EPS8: variants seen among roughly 807,000 people sequenced by gnomAD.
The protein encoded by EPS8 is EGFR pathway substrate 8, signaling adaptor.
In EPS8, 42 loss-of-function variants were observed where a neutral mutation model predicts 103.8. The observed-to-expected ratio is 0.40, with a 90% confidence interval of 0.32 to 0.52. The LOEUF (loss-of-function observed/expected upper bound fraction) is 0.52. EPS8 is among the 20% of genes least tolerant of loss of function. EPS8 has a pLI of 0.40. For synonymous variants in EPS8, 344 were observed against 344.6 expected, an observed-to-expected ratio of 1.00 and a Z score of 0.02; for missense variants, 969 against 1,005.1, an observed-to-expected ratio of 0.96 and a Z score of 0.49.
chr12:15,668,836 T>A (rs901151471), intron 6 of EPS8, among the ~76,000 whole-genome samples: 1 of 152,208 alleles, frequency 6.6e-6, no homozygotes, highest in Non-Finnish European at 1.5e-5. Context: ...TAATTATAAG[T>A]TTAAGGCATT....
At chr12:15,661,268 T>C (rs539053780) in intron 9 of EPS8, among the ~76,000 whole-genome samples, 1 of 152,282 alleles carries the variant, frequency 6.6e-6, no homozygotes, top group East Asian at 1.9e-4. Flanking sequence ...AATTTGATTA[T>C]CTTATATACT....
chr12:15,782,863 C>T (rs1399029363), intron 1 of EPS8, among the ~76,000 whole-genome samples: 4 of 152,124 alleles, frequency 2.6e-5, no homozygotes, highest in East Asian at 3.9e-4. Flanking sequence ...TGTGAGTAAC[C>T]GCTTAGTCCA....
At position 15,627,390 on chromosome 12, in the gene EPS8, T is replaced by C. The variant is rs546204779; in HGVS notation, c.2045-2983A>G. ...TGCTTCCCTTTTTTGCTTGCATCTA[T>C]ATCCTAATACGTGGAACGGTGCTTT... is the stretch of plus-strand genomic sequence containing the variant. On this transcript the variant is annotated intron_variant, in intron 18 of 20. Coordinates refer to ENST00000281172, the MANE Select transcript of EPS8 (RefSeq NM_004447.6). Among the ~76,000 whole-genome samples the C allele has an allele frequency of 5.3e-5, 8 of 152,184 alleles. No homozygotes were observed. In the East Asian group the frequency reaches 5.8e-4, roughly 11 times the overall value.
intron 1 of EPS8, among the ~76,000 whole-genome samples, chr12:15,724,309 T>A (rs528586479): frequency 5.3e-5 from 8 of 152,318 alleles, no homozygotes; most frequent in African/African-American, 1.9e-4. Context: ...AAGTTTTATG[T>A]GTTGTCAAAT....
intron 1 of EPS8, among the ~76,000 whole-genome samples, chr12:15,750,106 C>T (rs1247592435): frequency 3.3e-5 from 5 of 152,170 alleles, no homozygotes; most frequent in Non-Finnish European, 1.5e-5. Context: ...AGAGTGACAA[C>T]GATCTCCCAC....
chr12:15,643,730 ACT>A (rs1945271055), intron 15 of EPS8, among the ~76,000 whole-genome samples: 1 of 130,188 alleles, frequency 7.7e-6, no homozygotes, highest in African/African-American at 2.9e-5. Flanking sequence ...CAAGAGCAAA[ACT>A]CTGTCTCGAA....
chr12:15,682,556 CAAT>C (rs1318099826), intron 2 of EPS8, among the ~76,000 whole-genome samples: 1 of 151,972 alleles, frequency 6.6e-6, no homozygotes, highest in African/African-American at 2.4e-5. Context: ...TTATAAATAA[CAAT>C]AACAGAATGC....
intron 17 of EPS8, among the ~76,000 whole-genome samples, chr12:15,637,871 G>A (rs1244377948): frequency 6.6e-6 from 1 of 152,170 alleles, no homozygotes; most frequent in Non-Finnish European, 1.5e-5. Flanking sequence ...ACTCATGCAG[G>A]CTTTCGGGAA....
In EPS8 at chr12:15,695,800, C is replaced by T. The variant is rs1373593535; in HGVS notation, c.-21-12828G>A. Among the ~76,000 whole-genome samples, 1 of 152,130 alleles carries T rather than the reference C, an allele frequency of 6.6e-6. No individual in the cohort carries two copies. Among genetic ancestry groups the T allele is most frequent in the African/African-American group, 2.4e-5 (1 of 41,412 alleles). On this transcript the variant is annotated intron_variant, in intron 1 of 20. Coordinates refer to ENST00000281172, the MANE Select transcript of EPS8 (RefSeq NM_004447.6). The surrounding 1 kb of genome is among the most constrained non-coding windows in gnomAD (Gnocchi z 5.0). ...GACCAGCCTGGCCAAAATGGCGAAA[C>T]CCCATCTCTACCAAAAATATAAAAA...
chr12:15,745,422 T>C lies in EPS8; in HGVS notation c.-22+43739A>G, dbSNP rs1279423478. On this transcript the variant is annotated intron_variant, in intron 1 of 20. Coordinates refer to ENST00000281172, the MANE Select transcript of EPS8 (RefSeq NM_004447.6). The surrounding 1 kb of genome is among the most constrained non-coding windows in gnomAD (Gnocchi z 4.6). ...TAATGCCAAGCTGAACCCAAAGATGTGGGAATTCTCAACATTGCTGTAAAC... is the reference window on the plus strand; with the variant it reads ...TAATGCCAAGCTGAACCCAAAGATGCGGGAATTCTCAACATTGCTGTAAAC... 2.6e-5 allele frequency among the ~76,000 whole-genome samples: 4 copies of C among 152,098 alleles called. No homozygotes were observed. Among genetic ancestry groups the C allele is most frequent in the African/African-American group, 7.2e-5 (3 of 41,422 alleles).
Position 15,731,068 on chromosome 12 carries a change from T to C in EPS8, c.-21-48096A>G, listed in dbSNP as rs1486588362. 6.6e-6 allele frequency among the ~76,000 whole-genome samples: 1 copy of C among 152,178 alleles called. No homozygotes were observed. The stretch of plus-strand genomic sequence containing the variant: ...TGTGCAAAAAGTTCAGTCAAAAATA[T>C]ATATCATAGTACCTTAAAGGCATAT... On this transcript the variant is annotated intron_variant, in intron 1 of 20. Coordinates refer to ENST00000281172, the MANE Select transcript of EPS8 (RefSeq NM_004447.6). The surrounding 1 kb of genome is among the most constrained non-coding windows in gnomAD (Gnocchi z 5.1).
rs1946757480 is a variant in EPS8, at chr12:15,735,304, G to T, written c.-21-52332C>A. On this transcript the variant is annotated intron_variant, in intron 1 of 20. Transcript: ENST00000281172. This position sits in a 1 kb window ranked among gnomAD's most constrained non-coding sequence, Gnocchi z 4.4. ...GAAGCACAATATGCAAACCATAGTT[G>T]CTTTTGCTTAAGAAATATATTTCAT... is the stretch of plus-strand genomic sequence containing the variant. Among the ~76,000 whole-genome samples the T allele has an allele frequency of 6.6e-6, 1 of 152,116 alleles. No homozygotes were observed. Among genetic ancestry groups the T allele is most frequent in the Non-Finnish European group, 1.5e-5 (1 of 68,022 alleles).
Position 15,631,340 on chromosome 12 carries a change from T to G in EPS8, c.2044+102A>C, listed in dbSNP as rs977780179. 16 of 1,520,694 alleles carry G rather than the reference T, an allele frequency of 1.1e-5. 1 individual carries two copies. The African/African-American group carries it at 1.8e-4, about 17-fold the overall frequency. The allele number at this position is 1,520,694 out of a possible 1,614,324, so 94.2% of individuals were successfully genotyped here. On this transcript the variant is annotated intron_variant, in intron 18 of 20. Transcript: ENST00000281172. ...TGCAATCTATTAAGTACCATGCAAG[T>G]ATAAAGGACTTTAATACAAGTAGAA...
chr12:15,768,038 C>G (rs1476444755), intron 1 of EPS8, among the ~76,000 whole-genome samples: 1 of 152,034 alleles, frequency 6.6e-6, no homozygotes, highest in Non-Finnish European at 1.5e-5. Context: ...CAAAGACTTA[C>G]AGAATATTAG....
At chr12:15,707,414 C>G (rs1946401360) in intron 1 of EPS8, among the ~76,000 whole-genome samples, 2 of 152,024 alleles carry the variant, frequency 1.3e-5, no homozygotes, top group South Asian at 4.2e-4. Context: ...TCGATTCTAC[C>G]CTTACTTTTC....
chr12:15,730,968 G>A (rs1300587071), intron 1 of EPS8, among the ~76,000 whole-genome samples: 1 of 151,972 alleles, frequency 6.6e-6, no homozygotes, highest in African/African-American at 2.4e-5. Context: ...TCTATTAGAT[G>A]TTAAATACTG....
At chr12:15,741,110 C>A (rs1946816636) in intron 1 of EPS8, among the ~76,000 whole-genome samples, 1 of 152,184 alleles carries the variant, frequency 6.6e-6, no homozygotes, top group Admixed American at 6.5e-5. Context: ...GCTTCATGGG[C>A]AGGCAGCCAG....
chr12:15,712,731 G>C (rs1168277852), intron 1 of EPS8: 2 of 347,096 alleles, frequency 5.8e-6, no homozygotes, highest in African/African-American at 2.2e-5. Flanking sequence ...AGCAATCAAA[G>C]GGCTTACTTG....
chr12:15,624,321 C>T lies in EPS8; in HGVS notation c.2131G>A (p.Val711Met). The change falls in exon 19 of 21, where the codon GTG becomes ATG. Residue 711 changes from valine to methionine, a missense_variant. Coordinates refer to ENST00000281172, the MANE Select transcript of EPS8 (RefSeq NM_004447.6). ...GRSAAQKKFH[V>M]PRQNVPVINI... ...ATAACTGGCACGTTCTGCCGTGGCA[C>T]ATGGAATTTCTTCTGAGCGGCACTC... The T allele has an allele frequency of 6.2e-7, 1 of 1,613,240 alleles. No homozygotes were observed. Among genetic ancestry groups the T allele is most frequent in the South Asian group, 1.1e-5 (1 of 90,946 alleles).
Sources: allele counts gnomAD v4.1 joint callset (sites outside exome capture counted in the v4.1 genomes callset), GRCh38; gene constraint gnomAD v4.1.1; non-coding constraint Gnocchi (gnomAD v3.1); transcripts MANE v1.5; gene names NCBI Gene and HGNC (gene_info 2026-07-23, HGNC 2026-07-21).